The following UBR2 variants were observed in gnomAD, a reference collection of about 807,000 sequenced individuals.
The protein encoded by UBR2 is E3 ubiquitin-protein ligase UBR2.
Under a neutral mutation model 247.9 loss-of-function variants are expected in UBR2, and 92 were observed. That is an observed-to-expected ratio of 0.37 (90% CI 0.31 to 0.44). The LOEUF is 0.44. Among genes scored for constraint, UBR2 ranks in the 20% least tolerant of loss-of-function variants. The probability of loss-of-function intolerance (pLI) is 1.00; values close to 1 mark genes in which losing one functional copy is unlikely to be tolerated. For synonymous variants in UBR2, 672 were observed against 693.5 expected, an observed-to-expected ratio of 0.97 and a Z score of 0.49; for missense variants, 1,613 against 2,112.6, an observed-to-expected ratio of 0.76 and a Z score of 4.64.
At chr6:42,603,361 T>A (rs186631262) in intron 4 of UBR2, among the ~76,000 whole-genome samples, 4 of 152,336 alleles carry the variant, frequency 2.6e-5, no homozygotes, top group Admixed American at 2.6e-4. Flanking sequence ...CCATTGAATA[T>A]TTTGATTGAA....
intron 26 of UBR2, 31 bp downstream of exon 26, chr6:42,655,754 C>G: frequency 7.8e-7 from 1 of 1,275,234 alleles, no homozygotes; most frequent in Non-Finnish European, 1.1e-6. Context: ...TAAACTAACT[C>G]AAGATATAAA....
intron 21 of UBR2, 118 bp downstream of exon 21, chr6:42,645,708 G>C: frequency 1.8e-6 from 2 of 1,085,478 alleles, no homozygotes; most frequent in Non-Finnish European, 2.7e-6. Flanking sequence ...ATTGTCATGG[G>C]ATGTGTATAA....
At chr6:42,673,754 ATT>A in intron 36 of UBR2, 35 bp from the exon 37 acceptor site, 1 of 1,514,850 alleles carries the variant, frequency 6.6e-7, no homozygotes, top group Non-Finnish European at 9.1e-7. Flanking sequence ...ACTGCTTTGC[ATT>A]TTTGTTTTTT....
intron 36 of UBR2, 73 bp from the exon 37 acceptor site, chr6:42,673,718 C>T: frequency 9.3e-7 from 1 of 1,071,422 alleles, no homozygotes; most frequent in Non-Finnish European, 1.4e-6. Context: ...TCCAGCTGTG[C>T]TCTGAACTAG....
chr6:42,620,946 A>G (rs565255536), intron 11 of UBR2, among the ~76,000 whole-genome samples: 9 of 152,196 alleles, frequency 5.9e-5, no homozygotes, highest in Non-Finnish European at 1.0e-4. Flanking sequence ...CTGGGGCTAC[A>G]GGCGTGTGTG....
In UBR2 at chr6:42,564,240, T is replaced by C. The variant is rs1167694887; in HGVS notation, c.-80T>C. On this transcript the variant is annotated 5_prime_UTR_variant, in exon 1 of 47. Transcript: ENST00000372901. ...CGGGACTGATTGCCTGGGGCAGGGG[T>C]GGCAGTCGAGGCCGCCGGGGCCGAG... The C allele has an allele frequency of 6.6e-7, 1 of 1,510,550 alleles. No individual in the cohort carries two copies. Among genetic ancestry groups the C allele is most frequent in the Non-Finnish European group, 9.0e-7 (1 of 1,110,698 alleles). 93.6% of individuals were successfully genotyped at this position (1,510,550 alleles called of 1,614,324 possible).
chr6:42,584,387 ATTC>A (rs1233143478), intron 2 of UBR2, among the ~76,000 whole-genome samples: 1 of 152,202 alleles, frequency 6.6e-6, no homozygotes, highest in African/African-American at 2.4e-5. Context: ...TGCTATGTCT[ATTC>A]TTATGTCAAA....
intron 44 of UBR2, among the ~76,000 whole-genome samples, chr6:42,685,959 C>T (rs573284821): frequency 6.6e-6 from 1 of 152,204 alleles, no homozygotes; most frequent in African/African-American, 2.4e-5. Context: ...TTCTCTGTTG[C>T]CTCTTTCTCC....
At chr6:42,635,577 G>A in intron 14 of UBR2, 31 bp downstream of exon 14, 2 of 1,586,084 alleles carry the variant, frequency 1.3e-6, no homozygotes, top group South Asian at 2.3e-5. Context: ...GGGAATAGGA[G>A]GAAAGTGGAA....
In UBR2 at chr6:42,644,520, C is replaced by T. The variant is rs766802693; in HGVS notation, c.2268C>T (p.Leu756=). 2 of 1,610,054 alleles carry T rather than the reference C, an allele frequency of 1.2e-6. No homozygotes were observed. The highest frequency in any genetic ancestry group is 3.3e-5 in the Admixed American group (2 of 59,952). The stretch of plus-strand genomic sequence containing the variant: ...CTCTAATAGAAGAAATGCTATACCT[C>T]ATTATAATGCTTGTTGGTAAGTTTA... The part of the protein sequence containing the change: ...NNTLIEEMLY[L]IIMLVGERFS... Residue 756 remains leucine, a synonymous_variant, in exon 20 of 47, where the codon CTC becomes CTT. Transcript: ENST00000372901.
At chr6:42,655,164 G>C (rs760668290) in intron 25 of UBR2, among the ~76,000 whole-genome samples, 1 of 152,080 alleles carries the variant, frequency 6.6e-6, no homozygotes, top group Admixed American at 6.6e-5. Flanking sequence ...ATAAACCTCA[G>C]TCTTTTCATT....
At chr6:42,660,027 G>A (rs1326924812) in intron 30 of UBR2, among the ~76,000 whole-genome samples, 172 bp downstream of exon 30, 1 of 152,214 alleles carries the variant, frequency 6.6e-6, no homozygotes, top group Non-Finnish European at 1.5e-5. Context: ...AACCACTCCA[G>A]AAAGTTGCAC....
intron 11 of UBR2, among the ~76,000 whole-genome samples, chr6:42,625,611 G>A (rs897852014): frequency 5.3e-5 from 8 of 151,560 alleles, no homozygotes; most frequent in African/African-American, 4.9e-5. Context: ...CACCACACTC[G>A]GCTAATTTTT....
At chr6:42,687,179 C>T (rs1350401943) in intron 44 of UBR2, among the ~76,000 whole-genome samples, 1 of 152,228 alleles carries the variant, frequency 6.6e-6, no homozygotes, top group Non-Finnish European at 1.5e-5. Flanking sequence ...CGCCACTGCA[C>T]TCCAGCCTGG....
intron 8 of UBR2, among the ~76,000 whole-genome samples, chr6:42,614,248 GCGCA>G (rs1794311001): frequency 8.5e-6 from 1 of 117,584 alleles, no homozygotes; most frequent in African/African-American, 3.1e-5. Flanking sequence ...ACACACACGC[GCGCA>G]CATATATATA....
chr6:42,600,504 G>A (rs1793289503), intron 4 of UBR2, among the ~76,000 whole-genome samples: 2 of 151,402 alleles, frequency 1.3e-5, no homozygotes, highest in Admixed American at 6.6e-5. Flanking sequence ...TACAGCTGTA[G>A]CATCTTTTCA....
At position 42,680,883 on chromosome 6, in the gene UBR2, G is replaced by A. The variant is rs114728362; in HGVS notation, c.4718+1051G>A. ...CAGAAGTTCAAGACCAGCCTGGGGCGGGGGCGCGGTGGCTCACGCCTGTAA... is the reference window on the plus strand; with the variant it reads ...CAGAAGTTCAAGACCAGCCTGGGGCAGGGGCGCGGTGGCTCACGCCTGTAA... On this transcript the variant is annotated intron_variant, in intron 42 of 46. Transcript: ENST00000372901. Among the ~76,000 whole-genome samples the A allele has an allele frequency of 7.0e-3, 1,062 of 151,786 alleles. 7 individuals are homozygous for A. Among genetic ancestry groups the A allele is most frequent in the African/African-American group, 0.023 (944 of 41,390 alleles).
chr6:42,687,211 G>C (rs934263884), intron 44 of UBR2, among the ~76,000 whole-genome samples: 8 of 152,236 alleles, frequency 5.3e-5, no homozygotes, highest in African/African-American at 1.9e-4. Context: ...CACTGAGTGA[G>C]CAAGACTCCC....
chr6:42,682,379 C>T (rs1799108661), intron 42 of UBR2, among the ~76,000 whole-genome samples: 2 of 151,888 alleles, frequency 1.3e-5, no homozygotes, highest in South Asian at 4.1e-4. Context: ...GAACATTAGA[C>T]TTTGAAGTGG....
Sources: gnomAD v4.1 joint callset for allele counts (sites outside exome capture counted in the v4.1 genomes callset) on GRCh38, gnomAD v4.1.1 for gene constraint, MANE v1.5 for transcripts, NCBI Gene and HGNC (gene_info 2026-07-23, HGNC 2026-07-21) for gene names.